The following PTPRD variants were observed in gnomAD, a reference collection of about 807,000 sequenced individuals.
PTPRD encodes protein tyrosine phosphatase receptor type D, also known as receptor-type tyrosine-protein phosphatase delta.
Under a neutral mutation model 214.5 loss-of-function variants are expected in PTPRD, and 34 were observed. The observed-to-expected ratio is 0.16, with a 90% CI of 0.12 to 0.21. The LOEUF (loss-of-function observed/expected upper bound fraction) is 0.21, where lower values mean the gene tolerates loss of function less well. Ranked by LOEUF, PTPRD falls within the 10% of genes least tolerant of loss-of-function variation. The pLI, the probability that PTPRD is intolerant of heterozygous loss-of-function variation, is 1.00. For synonymous variants in PTPRD, 1,128 were observed against 845.7 expected, an observed-to-expected ratio of 1.33 and a Z score of -5.79; for missense variants, 2,545 against 2,398.7, an observed-to-expected ratio of 1.06 and a Z score of -1.27.
At chr9:8,923,238 C>T (rs1032443901) in intron 11 of PTPRD, among the ~76,000 whole-genome samples, 2 of 151,832 alleles carry the variant, frequency 1.3e-5, no homozygotes, top group Non-Finnish European at 2.9e-5. Context: ...GACAGGGTTT[C>T]ACCATGTTGG....
intron 10 of PTPRD, among the ~76,000 whole-genome samples, chr9:9,092,567 A>C (rs991584414): frequency 2.0e-5 from 3 of 152,092 alleles, no homozygotes; most frequent in African/African-American, 7.2e-5. Flanking sequence ...ACATATGAAA[A>C]AGTTATGACT....
chr9:8,526,440 GAGAA>G (rs1338978956), intron 17 of PTPRD, among the ~76,000 whole-genome samples, 183 bp downstream of exon 17: 2 of 150,636 alleles, frequency 1.3e-5, no homozygotes, highest in Non-Finnish European at 3.0e-5. Flanking sequence ...AAAACAAAGA[GAGAA>G]AGAAAAAGGA....
intron 4 of PTPRD, among the ~76,000 whole-genome samples, chr9:9,954,117 G>A (rs776072012): frequency 9.9e-5 from 15 of 151,504 alleles, no homozygotes; most frequent in Non-Finnish European, 1.8e-4. Flanking sequence ...CCAACATGAT[G>A]AAACCCTGTC....
chr9:8,884,884 C>T (rs540203183), intron 11 of PTPRD, among the ~76,000 whole-genome samples: 1 of 152,134 alleles, frequency 6.6e-6, no homozygotes, highest in Non-Finnish European at 1.5e-5. Flanking sequence ...TACTGCACAT[C>T]TGGATTATAG....
chr9:8,580,183 GAA>G lies in PTPRD; in HGVS notation c.353-51406_353-51405del, dbSNP rs1346064603. On this transcript the variant is annotated intron_variant, in intron 14 of 45. Coordinates refer to ENST00000381196, the MANE Select transcript of PTPRD (RefSeq NM_002839.4). ...GTGTTATCAGTAGCAGTAGACATGT[GAA>G]AAAAGACTAGTTTGCCTTTGGAAAG... Among the ~76,000 whole-genome samples, 3 of 152,152 alleles carry G rather than the reference GAA, an allele frequency of 2.0e-5. No individual in the cohort carries two copies. In the East Asian group the frequency reaches 5.8e-4, roughly 29 times the overall value.
intron 3 of PTPRD, among the ~76,000 whole-genome samples, chr9:10,303,174 T>C (rs542788509): frequency 7.2e-5 from 11 of 152,148 alleles, no homozygotes; most frequent in Admixed American, 2.0e-4. Flanking sequence ...GAGTAAACAA[T>C]GAAATTAAGA....
rs148995713 is a variant in PTPRD, at chr9:9,913,550, T to C, written c.-368+24957A>G. 2.4e-4 allele frequency among the ~76,000 whole-genome samples: 37 copies of C among 152,108 alleles called. 1 individual carries two copies. Among genetic ancestry groups the C allele is most frequent in the Middle Eastern group, 3.4e-3 (1 of 294 alleles). ...GGAAAGGGGAGTGGAGATGCACCAG[T>C]AGTGACTGGAAATTCAGGAGGGCAG... On this transcript the variant is annotated intron_variant, in intron 5 of 45. Coordinates refer to ENST00000381196, the MANE Select transcript of PTPRD (RefSeq NM_002839.4).
intron 3 of PTPRD, among the ~76,000 whole-genome samples, chr9:10,068,649 G>A (rs2097930101): frequency 6.6e-6 from 1 of 151,358 alleles, no homozygotes; most frequent in African/African-American, 2.4e-5. Flanking sequence ...CTTAGAAACT[G>A]GTGTAACCAC....
At chr9:8,665,034 C>A (rs1182413595) in intron 12 of PTPRD, among the ~76,000 whole-genome samples, 1 of 152,076 alleles carries the variant, frequency 6.6e-6, no homozygotes, top group East Asian at 1.9e-4. Flanking sequence ...TCAGAGAATG[C>A]ACCTTGATTT....
At chr9:9,909,111 T>C (rs763446798) in intron 5 of PTPRD, among the ~76,000 whole-genome samples, 1 of 151,926 alleles carries the variant, frequency 6.6e-6, no homozygotes, top group Non-Finnish European at 1.5e-5. Context: ...TTCCTTTTTA[T>C]TATGGAGGGA....
intron 10 of PTPRD, among the ~76,000 whole-genome samples, chr9:9,093,187 C>A (rs956828215): frequency 1.3e-4 from 20 of 152,084 alleles, no homozygotes; most frequent in African/African-American, 4.1e-4. Context: ...ACTAGAAACA[C>A]AAACTAATAG....
chr9:8,426,715 G>A (rs574051983), intron 35 of PTPRD, among the ~76,000 whole-genome samples: 6 of 151,754 alleles, frequency 4.0e-5, no homozygotes, highest in African/African-American at 1.2e-4. Flanking sequence ...CCCTTAAGAC[G>A]GGTAGGACTC....
chr9:10,555,346 C>G lies in PTPRD; in HGVS notation c.-600+57052G>C, dbSNP rs549278358. 3.9e-5 allele frequency among the ~76,000 whole-genome samples: 6 copies of G among 152,276 alleles called. No homozygotes were observed. The East Asian group carries it at 1.2e-3, about 29-fold the overall frequency. On this transcript the variant is annotated intron_variant, in intron 2 of 45. Coordinates refer to ENST00000381196, the MANE Select transcript of PTPRD (RefSeq NM_002839.4). ...AAATAAAATTCGCAAAACGTTTTAT[C>G]ATATACCTAAAAAATGGTTATCTTA...
intron 10 of PTPRD, among the ~76,000 whole-genome samples, chr9:9,065,009 A>C (rs2099723777): frequency 6.6e-6 from 1 of 152,196 alleles, no homozygotes; most frequent in Admixed American, 6.5e-5. Flanking sequence ...CATATGCCTG[A>C]ACTTTTGGCT....
At chr9:8,469,467 G>T (rs932777423) in intron 31 of PTPRD, among the ~76,000 whole-genome samples, 1 of 151,964 alleles carries the variant, frequency 6.6e-6, no homozygotes, top group Admixed American at 6.6e-5. Flanking sequence ...TAAACAGGAT[G>T]ATGACACTTC....
intron 9 of PTPRD, among the ~76,000 whole-genome samples, chr9:9,360,972 T>C (rs1188822774): frequency 6.6e-6 from 1 of 151,152 alleles, no homozygotes; most frequent in Non-Finnish European, 1.5e-5. Context: ...AAGAAAGAAC[T>C]GCAGTGCCAA....
intron 14 of PTPRD, among the ~76,000 whole-genome samples, chr9:8,606,587 T>G (rs2095226933): frequency 6.6e-6 from 1 of 152,174 alleles, no homozygotes; most frequent in African/African-American, 2.4e-5. Context: ...CAGATGCTAT[T>G]TAGGGCACCA....
intron 7 of PTPRD, among the ~76,000 whole-genome samples, chr9:9,596,868 A>G (rs770293208): frequency 2.0e-5 from 3 of 152,094 alleles, no homozygotes; most frequent in Non-Finnish European, 4.4e-5. Context: ...AAAATATATG[A>G]TATCATTCAC....
chr9:9,062,971 A>G (rs2154402437), intron 10 of PTPRD, among the ~76,000 whole-genome samples: 1 of 152,302 alleles, frequency 6.6e-6, no homozygotes, highest in South Asian at 2.1e-4. Context: ...ACCATGTATG[A>G]GAAATGTAAT....
Sources: allele counts gnomAD v4.1 joint callset (sites outside exome capture counted in the v4.1 genomes callset), GRCh38; gene constraint gnomAD v4.1.1; transcripts MANE v1.5; gene names NCBI Gene and HGNC (gene_info 2026-07-23, HGNC 2026-07-21).